AHCTF1: variants seen among roughly 807,000 people sequenced by gnomAD.
The protein encoded by AHCTF1 is AT-hook containing transcription factor 1.
A neutral mutation model predicts 248.4 loss-of-function variants in AHCTF1; 24 were observed. That is an observed-to-expected ratio of 0.10 (90% confidence interval 0.07 to 0.14). The LOEUF is 0.14. Among genes scored for constraint, AHCTF1 ranks in the 10% least tolerant of loss-of-function variants. The probability of loss-of-function intolerance (pLI) is 1.00; values close to 1 mark genes in which losing one functional copy is unlikely to be tolerated. For missense variants in AHCTF1, 2,206 were observed against 2,636.2 expected, an observed-to-expected ratio of 0.84 and a Z score of 3.57; for synonymous variants, 786 against 929.8, an observed-to-expected ratio of 0.85 and a Z score of 2.81.
At chr1:246,904,391 C>T (rs372257932) in intron 6 of AHCTF1, among the ~76,000 whole-genome samples, 4 of 152,306 alleles carry the variant, frequency 2.6e-5, no homozygotes, top group African/African-American at 9.6e-5. Flanking sequence ...TCCTTTGCAG[C>T]TAAGTGCAGT....
At chr1:246,890,448 G>C (rs1449131795) in intron 16 of AHCTF1, among the ~76,000 whole-genome samples, 1 of 152,076 alleles carries the variant, frequency 6.6e-6, no homozygotes, top group Non-Finnish European at 1.5e-5. Context: ...ATGGCTTCCT[G>C]GAAATGCAAG....
intron 26 of AHCTF1, among the ~76,000 whole-genome samples, chr1:246,866,991 A>G (rs1388428297): frequency 6.6e-6 from 1 of 152,224 alleles, no homozygotes; most frequent in Non-Finnish European, 1.5e-5. Context: ...AAGTAAGTTA[A>G]TAGTTTGCTC....
In AHCTF1 at chr1:246,840,823, G is replaced by A. The variant is rs370639205; in HGVS notation, c.6784C>T (p.Arg2262Cys). The A allele has an allele frequency of 7.9e-5, 126 of 1,597,172 alleles. No homozygotes were observed. Among genetic ancestry groups the A allele is most frequent in the South Asian group, 2.6e-4 (23 of 87,134 alleles). ...CCAAGAAATTACAGCATTTTTCTGCGTAAAATTTGCTTTGGATAGGAAGAC... is the reference window on the plus strand; with the variant it reads ...CCAAGAAATTACAGCATTTTTCTGCATAAAATTTGCTTTGGATAGGAAGAC... ...KLSSYPKQIL[R>C]RKML The change falls in exon 36 of 36, where the codon CGC becomes TGC. Residue 2262 changes from arginine to cysteine, a missense_variant. Arg to Cys is a radical substitution (Grantham distance 180, BLOSUM62 -3). Around this residue, in one of 6 missense-constraint regions of AHCTF1, gnomAD observed 469 missense variants for 470.0 expected, o/e 1.00. Transcript: ENST00000648844.
At chr1:246,909,102 T>TCTAC (rs1275720598) in intron 4 of AHCTF1, among the ~76,000 whole-genome samples, 1 of 150,016 alleles carries the variant, frequency 6.7e-6, no homozygotes, top group Non-Finnish European at 1.5e-5. Context: ...TATCTATCTA[T>TCTAC]CTATCTATTT....
intron 21 of AHCTF1, among the ~76,000 whole-genome samples, chr1:246,883,647 T>C (rs1362693254): frequency 1.3e-5 from 2 of 152,244 alleles, no homozygotes; most frequent in African/African-American, 4.8e-5. Context: ...AGTCATTCTC[T>C]ATTTACAGGA....
intron 33 of AHCTF1, 29 bp downstream of exon 33, chr1:246,849,586 A>C (rs1660541000): frequency 2.6e-6 from 4 of 1,565,416 alleles, no homozygotes; most frequent in Non-Finnish European, 3.5e-6. Flanking sequence ...ACTGAGATGA[A>C]AAACTGTTTT....
Position 246,853,313 on chromosome 1 carries a change from G to T in AHCTF1, c.4355-14C>A. 1 of 1,593,712 alleles carries T rather than the reference G, an allele frequency of 6.3e-7. No individual in the cohort carries two copies. Among genetic ancestry groups the T allele is most frequent in the Non-Finnish European group, 8.6e-7 (1 of 1,169,528 alleles). Reference sequence around the variant, plus strand: ...CATCAGCCATAGCTGAAAGAAAAATGAGTGAATTTTTTACATTTAAACTGA... The same window carrying T: ...CATCAGCCATAGCTGAAAGAAAAATTAGTGAATTTTTTACATTTAAACTGA... On this transcript the variant is annotated splice_polypyrimidine_tract_variant and intron_variant, in intron 31 of 35. Transcript: ENST00000648844.
At position 246,867,645 on chromosome 1, in the gene AHCTF1, G is replaced by A. The variant is rs1290487983; in HGVS notation, c.3239+16C>T. On this transcript the variant is annotated intron_variant, in intron 25 of 35. Transcript: ENST00000648844. ...TTAACAAGCAGCATGACTATGAAAC[G>A]TGTAAGAAAACATACCTATTGAAAG... 8.1e-6 allele frequency: 13 copies of A among 1,609,586 alleles called. No individual in the cohort carries two copies. Among genetic ancestry groups the A allele is most frequent in the Admixed American group, 1.7e-5 (1 of 59,646 alleles).
chr1:246,930,348 T>C (rs1667259537), intron 1 of AHCTF1, among the ~76,000 whole-genome samples: 1 of 151,946 alleles, frequency 6.6e-6, no homozygotes, highest in Non-Finnish European at 1.5e-5. Context: ...AAGATAATTA[T>C]TGTTGTTTGC....
chr1:246,862,150 C>T lies in AHCTF1; in HGVS notation c.3544G>A (p.Ala1182Thr). Reference sequence around the variant, plus strand: ...GTAACTGACATGGCCAAACTTTTAGCTTTCTATAGTAAAGAGCAAATGGAA... The same window carrying T: ...GTAACTGACATGGCCAAACTTTTAGTTTTCTATAGTAAAGAGCAAATGGAA... Reference protein sequence around the residue: ...LLETPLVVKKAKSLAMSVTTS... With the variant: ...LLETPLVVKKTKSLAMSVTTS... The change falls in exon 28 of 36, where the codon GCT becomes ACT. Residue 1182 changes from alanine to threonine, a missense_variant. Physicochemically the swap from Ala to Thr is moderately conservative, Grantham distance 58. Around this residue, in one of 6 missense-constraint regions of AHCTF1, gnomAD observed 955 missense variants for 1,055.6 expected, o/e 0.90. Coordinates refer to ENST00000648844, the MANE Select transcript of AHCTF1 (RefSeq NM_001323342.2). 6.2e-7 allele frequency: 1 copy of T among 1,607,516 alleles called. No individual in the cohort carries two copies. Among genetic ancestry groups the T allele is most frequent in the Non-Finnish European group, 8.5e-7 (1 of 1,177,726 alleles).
At chr1:246,852,944 A>T in intron 32 of AHCTF1, 147 bp downstream of exon 32, 1 of 620,244 alleles carries the variant, frequency 1.6e-6, no homozygotes, top group Admixed American at 3.2e-5. Context: ...AGATTTATAC[A>T]CTTATTTTTT....
At chr1:246,868,667 C>A (rs947629630) in intron 24 of AHCTF1, among the ~76,000 whole-genome samples, 10 of 151,356 alleles carry the variant, frequency 6.6e-5, no homozygotes, top group Admixed American at 5.9e-4. Context: ...GGACATGTGC[C>A]TTCAACTGAA....
At chr1:246,909,551 G>C (rs573283319) in intron 4 of AHCTF1, among the ~76,000 whole-genome samples, 17 of 152,172 alleles carry the variant, frequency 1.1e-4, no homozygotes, top group Admixed American at 1.1e-3. Context: ...CAGATCAACT[G>C]TCGCAGTATT....
chr1:246,922,720 C>T lies in AHCTF1; in HGVS notation c.-7-4343G>A, dbSNP rs372066381. 2.3e-4 allele frequency among the ~76,000 whole-genome samples: 35 copies of T among 151,154 alleles called. No homozygotes were observed. In the East Asian group the frequency reaches 3.0e-3, roughly 13 times the overall value. On this transcript the variant is annotated intron_variant, in intron 1 of 35. Transcript: ENST00000648844. ...TCAATAGGCTGGGCGCAGTGGCTCA[C>T]GCCTGTAATCCCAGCACTTTGGGAG...
intron 1 of AHCTF1, among the ~76,000 whole-genome samples, chr1:246,924,058 CT>C (rs1234200472): frequency 1.3e-5 from 2 of 152,296 alleles, no homozygotes; most frequent in African/African-American, 4.8e-5. Flanking sequence ...AGCACTCCCC[CT>C]CCTATCTATT....
chr1:246,891,702 T>A (rs1664215437), intron 15 of AHCTF1, 77 bp downstream of exon 15: 1 of 1,481,304 alleles, frequency 6.8e-7, no homozygotes, highest in African/African-American at 1.4e-5. Context: ...ATCTAAGACA[T>A]GGGAAATGTT....
intron 26 of AHCTF1, among the ~76,000 whole-genome samples, chr1:246,866,592 T>TTAAAG (rs1661998056): frequency 6.6e-6 from 1 of 152,176 alleles, no homozygotes; most frequent in South Asian, 2.1e-4. Context: ...CTTGTAATGA[T>TTAAAG]TATTTATAAT....
chr1:246,865,582 T>C (rs1378842919), intron 26 of AHCTF1, among the ~76,000 whole-genome samples: 1 of 152,232 alleles, frequency 6.6e-6, no homozygotes, highest in African/African-American at 2.4e-5. Context: ...GTTTGCTCAC[T>C]TTTATACTGA....
rs141857631 is a variant in AHCTF1 at position 246,899,853 on chromosome 1, T to C, written c.1432+212A>G. On this transcript the variant is annotated intron_variant, in intron 10 of 35. Transcript: ENST00000648844. ...AGTCATAATTCCTTTATAAAACATATAAATACTAAATATCTCCAAGTCATA... is the reference window on the plus strand; with the variant it reads ...AGTCATAATTCCTTTATAAAACATACAAATACTAAATATCTCCAAGTCATA... Among the ~76,000 whole-genome samples, 29 of 152,128 alleles carry C rather than the reference T, an allele frequency of 1.9e-4. No individual in the cohort carries two copies. In the East Asian group the frequency reaches 5.2e-3, roughly 27 times the overall value.
Sources: allele counts gnomAD v4.1 joint callset (sites outside exome capture counted in the v4.1 genomes callset), GRCh38; gene constraint gnomAD v4.1.1; regional missense constraint gnomAD v4.1.1; transcripts MANE v1.5; gene names NCBI Gene and HGNC (gene_info 2026-07-23, HGNC 2026-07-21).